The following AFG1L variants were observed in gnomAD, a reference collection of about 807,000 sequenced individuals.
The protein encoded by AFG1L is AFG1 like ATPase, also known as AFG1-like ATPase.
Under a neutral mutation model 62.2 loss-of-function variants are expected in AFG1L, and 53 were observed. The observed-to-expected ratio is 0.85, with a 90% CI of 0.68 to 1.07. The LOEUF is 1.07. AFG1L is among the 50% of genes least tolerant of loss of function. AFG1L has a pLI of 0.00. For missense variants in AFG1L, 555 were observed against 590.5 expected (o/e 0.94, Z 0.62); for synonymous variants, 228 against 210.3 (o/e 1.08, Z -0.73).
At chr6:108,450,016 G>A (rs1348255903) in intron 8 of AFG1L, among the ~76,000 whole-genome samples, 2 of 152,164 alleles carry the variant, frequency 1.3e-5, no homozygotes, top group African/African-American at 4.8e-5. Context: ...GGACATTTGG[G>A]TTGGTTCCAA....
intron 8 of AFG1L, among the ~76,000 whole-genome samples, chr6:108,452,500 TACAA>T (rs1260811703): frequency 6.6e-6 from 1 of 152,142 alleles, no homozygotes; most frequent in Non-Finnish European, 1.5e-5. Flanking sequence ...CATACTCACA[TACAA>T]ACACTGTGCC....
At chr6:108,401,202 G>A (rs922302769) in intron 6 of AFG1L, among the ~76,000 whole-genome samples, 1 of 149,836 alleles carries the variant, frequency 6.7e-6, no homozygotes, top group Non-Finnish European at 1.5e-5. Context: ...GACTGCAGTG[G>A]CGCAATCTCG....
intron 11 of AFG1L, among the ~76,000 whole-genome samples, chr6:108,517,781 T>G (rs1253389321): frequency 1.3e-5 from 2 of 152,068 alleles, no homozygotes; most frequent in Non-Finnish European, 2.9e-5. Flanking sequence ...ATCCAGAATC[T>G]ACAATGAACT....
intron 6 of AFG1L, among the ~76,000 whole-genome samples, chr6:108,369,032 GT>G (rs1279072613): frequency 2.6e-5 from 4 of 152,106 alleles, no homozygotes; most frequent in Non-Finnish European, 5.9e-5. Flanking sequence ...CACAGACCAG[GT>G]TTTTTAGCCA....
intron 8 of AFG1L, among the ~76,000 whole-genome samples, chr6:108,466,000 T>TCA (rs1490032292): frequency 6.6e-6 from 1 of 152,106 alleles, no homozygotes; most frequent in Non-Finnish European, 1.5e-5. Flanking sequence ...TAGGCATGAG[T>TCA]CACTACACTA....
chr6:108,507,682 G>A (rs1038768510), intron 10 of AFG1L, among the ~76,000 whole-genome samples: 2 of 152,074 alleles, frequency 1.3e-5, no homozygotes, highest in African/African-American at 4.8e-5. Context: ...ATTTTTTTAT[G>A]TATACTTTCT....
intron 7 of AFG1L, among the ~76,000 whole-genome samples, chr6:108,422,477 C>CAAAAGAAAAAAAAA (rs1770635881): frequency 2.2e-5 from 1 of 45,798 alleles, no homozygotes; most frequent in Non-Finnish European, 3.7e-5. Flanking sequence ...TAGTCCTCAG[C>CAAAAGAAAAAAAAA]AAAAAAAAAA....
chr6:108,421,457 G>A (rs1562150658), intron 7 of AFG1L, among the ~76,000 whole-genome samples: 1 of 152,110 alleles, frequency 6.6e-6, no homozygotes, highest in Non-Finnish European at 1.5e-5. Context: ...CGTAATTAGC[G>A]TGTATGAATC....
intron 3 of AFG1L, among the ~76,000 whole-genome samples, chr6:108,347,781 T>C (rs1021770838): frequency 6.6e-6 from 1 of 152,234 alleles, no homozygotes; most frequent in African/African-American, 2.4e-5. Context: ...TTGGCTTTTT[T>C]GCCTCCTTGC....
At chr6:108,302,643 G>A (rs1292269608) in intron 1 of AFG1L, among the ~76,000 whole-genome samples, 1 of 152,066 alleles carries the variant, frequency 6.6e-6, no homozygotes, top group Non-Finnish European at 1.5e-5. Flanking sequence ...AAGATACGAG[G>A]CCAGTTTCCA....
chr6:108,471,944 C>T (rs918109559), intron 8 of AFG1L, among the ~76,000 whole-genome samples: 4 of 152,022 alleles, frequency 2.6e-5, no homozygotes, highest in Non-Finnish European at 2.9e-5. Flanking sequence ...TATCTAAGGA[C>T]GCAGTGTCCA....
intron 6 of AFG1L, among the ~76,000 whole-genome samples, chr6:108,401,387 C>T (rs1781605725): frequency 6.6e-6 from 1 of 151,896 alleles, no homozygotes; most frequent in South Asian, 2.1e-4. Context: ...CATGATCCAC[C>T]CGCCTCGGCC....
At chr6:108,463,291 A>G (rs1209814734) in intron 8 of AFG1L, among the ~76,000 whole-genome samples, 2 of 148,128 alleles carry the variant, frequency 1.4e-5, no homozygotes, top group African/African-American at 5.1e-5. Flanking sequence ...TCTGTCAAAA[A>G]AAAAAAAAAA....
chr6:108,386,511 C>T (rs2114575028), intron 6 of AFG1L, among the ~76,000 whole-genome samples: 2 of 151,782 alleles, frequency 1.3e-5, no homozygotes, highest in South Asian at 4.2e-4. Flanking sequence ...GAGAATTTAT[C>T]ACCAACAAAC....
intron 1 of AFG1L, among the ~76,000 whole-genome samples, chr6:108,316,339 C>T (rs1335747845): frequency 1.6e-5 from 2 of 124,598 alleles, no homozygotes; most frequent in Non-Finnish European, 3.3e-5. Flanking sequence ...CGAGATCCCG[C>T]CACTGCACTC....
chr6:108,382,069 C>T (rs1033612555), intron 6 of AFG1L, among the ~76,000 whole-genome samples: 2 of 145,904 alleles, frequency 1.4e-5, no homozygotes, highest in Non-Finnish European at 3.0e-5. Flanking sequence ...GGCACAGTCT[C>T]GGCTCACTGC....
At chr6:108,308,698 A>ATTAT (rs900383971) in intron 1 of AFG1L, among the ~76,000 whole-genome samples, 9 of 151,030 alleles carry the variant, frequency 6.0e-5, no homozygotes, top group East Asian at 1.9e-4. Context: ...TATTTATTTT[A>ATTAT]TTATTTATTT....
At chr6:108,441,236 T>G (rs887074519) in intron 7 of AFG1L, among the ~76,000 whole-genome samples, 5 of 152,192 alleles carry the variant, frequency 3.3e-5, no homozygotes, top group African/African-American at 1.2e-4. Context: ...ATGGTATTAT[T>G]CAGGATTGCT....
At chr6:108,445,721 G>A (rs1314704813) in intron 7 of AFG1L, among the ~76,000 whole-genome samples, 1 of 150,142 alleles carries the variant, frequency 6.7e-6, no homozygotes, top group Admixed American at 6.6e-5. Flanking sequence ...CAAACAGCAT[G>A]TATAAATTAA....
Sources: allele counts gnomAD v4.1 joint callset (sites outside exome capture counted in the v4.1 genomes callset), GRCh38; gene constraint gnomAD v4.1.1; transcripts MANE v1.5; gene names NCBI Gene and HGNC (gene_info 2026-07-23, HGNC 2026-07-21).